RBFOX1: variants seen among roughly 807,000 people sequenced by gnomAD.
The protein encoded by RBFOX1 is RNA binding fox-1 homolog 1.
RBFOX1 carries 8 observed loss-of-function variants against 57.7 expected under a neutral mutation model. The observed-to-expected ratio is 0.14, with a 90% CI of 0.08 to 0.25. RBFOX1 has a LOEUF of 0.25. Ranked by LOEUF, RBFOX1 falls within the 10% of genes least tolerant of loss-of-function variation. The probability of loss-of-function intolerance (pLI) is 1.00; values close to 1 mark genes in which losing one functional copy is unlikely to be tolerated. For missense variants in RBFOX1, 611 were observed against 548.5 expected, an observed-to-expected ratio of 1.11 and a Z score of -1.14; for synonymous variants, 326 against 222.4, an observed-to-expected ratio of 1.47 and a Z score of -4.15.
intron 4 of RBFOX1, among the ~76,000 whole-genome samples, chr16:7,325,889 A>G (rs1055919084): frequency 2.0e-5 from 3 of 152,118 alleles, no homozygotes; most frequent in Admixed American, 1.3e-4. Context: ...ATGCTTTTCC[A>G]TGTTCTCTTC....
chr16:6,281,370 A>C (rs1444607554), intron 1 of RBFOX1, among the ~76,000 whole-genome samples: 1 of 152,202 alleles, frequency 6.6e-6, no homozygotes, highest in Non-Finnish European at 1.5e-5. Context: ...TCTGCATAGA[A>C]GTAGGGGACA....
rs559616091 is a variant in RBFOX1, at chr16:6,633,756, C to T, written c.-63-20847C>T. Among the ~76,000 whole-genome samples the T allele has an allele frequency of 1.5e-3, 221 of 152,180 alleles. 1 individual carries two copies. Among genetic ancestry groups the T allele is most frequent in the Non-Finnish European group, 2.0e-3 (134 of 68,022 alleles). ...AGGCGCTGTAGCTCATGCCTGTAATCCTTAGGCTTTGGGAGGCTGAGGCAG... is the reference window on the plus strand; with the variant it reads ...AGGCGCTGTAGCTCATGCCTGTAATTCTTAGGCTTTGGGAGGCTGAGGCAG... On this transcript the variant is annotated intron_variant, in intron 2 of 15. Transcript: ENST00000550418.
chr16:7,302,451 G>A (rs2096057322), intron 4 of RBFOX1, among the ~76,000 whole-genome samples: 1 of 152,034 alleles, frequency 6.6e-6, no homozygotes, highest in Non-Finnish European at 1.5e-5. Flanking sequence ...GGATATTTGG[G>A]ATGTCCCTGG....
chr16:6,800,392 GA>G (rs1182101506), intron 3 of RBFOX1, among the ~76,000 whole-genome samples: 1 of 152,076 alleles, frequency 6.6e-6, no homozygotes, highest in Non-Finnish European at 1.5e-5. Flanking sequence ...CCTACTCTAG[GA>G]TAGTGCTTCT....
At chr16:7,238,220 A>G (rs1333934006) in intron 4 of RBFOX1, among the ~76,000 whole-genome samples, 1 of 152,340 alleles carries the variant, frequency 6.6e-6, no homozygotes, top group South Asian at 2.1e-4. Flanking sequence ...TAATTGGTAC[A>G]GAGTTTCAGT....
chr16:5,468,361 C>T (rs2069019731), intron 2 of RBFOX1, among the ~76,000 whole-genome samples: 1 of 152,154 alleles, frequency 6.6e-6, no homozygotes, highest in Non-Finnish European at 1.5e-5. Context: ...TCTCCTCTCC[C>T]TTCAGCCCCT....
At chr16:5,797,384 T>C (rs935249916) in intron 3 of RBFOX1, among the ~76,000 whole-genome samples, 5 of 152,316 alleles carry the variant, frequency 3.3e-5, no homozygotes, top group African/African-American at 4.8e-5. Flanking sequence ...AACATCTCCA[T>C]TGGGTGCTTC....
intron 3 of RBFOX1, among the ~76,000 whole-genome samples, chr16:6,972,580 C>A (rs569649383): frequency 8.6e-5 from 13 of 152,040 alleles, no homozygotes; most frequent in Non-Finnish European, 1.8e-4. Context: ...GATTTTTATA[C>A]TGATTGGAAT....
At chr16:5,486,789 G>GT (rs112522616) in intron 2 of RBFOX1, among the ~76,000 whole-genome samples, 7,339 of 147,186 alleles carry the variant, frequency 0.05, 352 homozygotes, top group African/African-American at 0.13. Flanking sequence ...AAAACTCAGT[G>GT]TTTTTTTTTT....
chr16:7,269,757 C>A (rs2095271262), intron 4 of RBFOX1, among the ~76,000 whole-genome samples: 1 of 152,046 alleles, frequency 6.6e-6, no homozygotes, highest in African/African-American at 2.4e-5. Context: ...TTGAATATTT[C>A]CTTGGACTAA....
intron 4 of RBFOX1, among the ~76,000 whole-genome samples, chr16:7,447,230 G>A (rs1263361801): frequency 1.3e-5 from 2 of 151,648 alleles, no homozygotes; most frequent in African/African-American, 4.8e-5. Flanking sequence ...TCAGGAGTTC[G>A]AGACCAGCCT....
chr16:6,647,360 C>T (rs530381670), intron 2 of RBFOX1, among the ~76,000 whole-genome samples: 3 of 152,170 alleles, frequency 2.0e-5, no homozygotes, highest in East Asian at 1.9e-4. Flanking sequence ...ATTCTCCTGC[C>T]TCAGCCTCCA....
intron 10 of RBFOX1, among the ~76,000 whole-genome samples, chr16:7,627,292 T>G (rs763178374): frequency 6.6e-6 from 1 of 152,002 alleles, no homozygotes; most frequent in African/African-American, 2.4e-5. Context: ...ATGGGAATCA[T>G]TGCCTACTGG....
chr16:7,394,978 C>A (rs4510027), intron 4 of RBFOX1, among the ~76,000 whole-genome samples: 27,711 of 152,076 alleles, frequency 0.18, 2,643 homozygotes, highest in East Asian at 0.25. Context: ...CTGTGTGAGC[C>A]TGTGTACGTG....
At chr16:7,039,839 G>A (rs1006675011) in intron 3 of RBFOX1, among the ~76,000 whole-genome samples, 4 of 152,184 alleles carry the variant, frequency 2.6e-5, no homozygotes, top group South Asian at 2.1e-4. Flanking sequence ...AGAAGCAGAC[G>A]AGGCAAAGCG....
At chr16:7,514,023 G>A (rs971597467) in intron 4 of RBFOX1, among the ~76,000 whole-genome samples, 1 of 151,894 alleles carries the variant, frequency 6.6e-6, no homozygotes, top group Non-Finnish European at 1.5e-5. Flanking sequence ...TTTATTTCCT[G>A]CCCAAACTAC....
chr16:6,019,646 G>T lies in RBFOX1; in HGVS notation c.-473G>T, dbSNP rs1225463990. 1 of 1,300,094 alleles carries T rather than the reference G, an allele frequency of 7.7e-7. No individual in the cohort carries two copies. Among genetic ancestry groups the T allele is most frequent in the Non-Finnish European group, 9.8e-7 (1 of 1,024,056 alleles). 80.5% of individuals were successfully genotyped at this position (1,300,094 alleles called of 1,614,324 possible). The stretch of plus-strand genomic sequence containing the variant: ...ACCCCACATCTGGAGGGGACAGCCA[G>T]CCGTGGGCCCCGCCCCGGCGTCCGG... On this transcript the variant is annotated 5_prime_UTR_variant, in exon 1 of 16. Transcript: ENST00000550418. The surrounding 1 kb of genome is among the most constrained non-coding windows in gnomAD (Gnocchi z 4.2).
chr16:5,869,131 A>G (rs1031787979), intron 4 of RBFOX1, among the ~76,000 whole-genome samples: 1 of 152,166 alleles, frequency 6.6e-6, no homozygotes, highest in Admixed American at 6.5e-5. Flanking sequence ...GTGCCATGCC[A>G]TGTAACCCAC....
chr16:7,506,720 G>T (rs116016778), intron 4 of RBFOX1, among the ~76,000 whole-genome samples: 2,183 of 152,110 alleles, frequency 0.014, 56 homozygotes, highest in African/African-American at 0.051. Flanking sequence ...ACTAATGTAC[G>T]AGATCCATGT....
Sources: gnomAD v4.1 joint callset for allele counts (sites outside exome capture counted in the v4.1 genomes callset) on GRCh38, gnomAD v4.1.1 for gene constraint, Gnocchi (gnomAD v3.1) non-coding constraint, MANE v1.5 for transcripts, NCBI Gene and HGNC (gene_info 2026-07-23, HGNC 2026-07-21) for gene names.